LRRC4C: variants seen among roughly 807,000 people sequenced by gnomAD.
LRRC4C encodes the protein leucine-rich repeat-containing protein 4C.
Under a neutral mutation model 33.6 loss-of-function variants are expected in LRRC4C, and 5 were observed. The ratio of observed to expected loss-of-function variants is 0.15; its 90% CI spans 0.08 to 0.31. The LOEUF is 0.31. LRRC4C is among the 10% of genes least tolerant of loss of function. The pLI is 1.00. For synonymous variants in LRRC4C, 329 were observed against 302.0 expected (o/e 1.09, Z -0.93); for missense variants, 560 against 796.7 (o/e 0.70, Z 3.58).
intron 1 of LRRC4C, among the ~76,000 whole-genome samples, chr11:40,948,524 C>G (rs1397551992): frequency 1.6e-5 from 2 of 122,460 alleles, no homozygotes; most frequent in Non-Finnish European, 3.4e-5. Flanking sequence ...CCCCTCCCCC[C>G]ACCCCACAAC....
chr11:40,841,404 G>A lies in LRRC4C; in HGVS notation c.-407+92231C>T, dbSNP rs559992863. On this transcript the variant is annotated intron_variant, in intron 2 of 6. Transcript: ENST00000528697. ...ATATGTTGAAGCCCTAACTCCCATT[G>A]CTGTTGCATTTGGAGATGAGGCCTC... 8.5e-5 allele frequency among the ~76,000 whole-genome samples: 13 copies of A among 152,240 alleles called. No individual in the cohort carries two copies. In the South Asian group the frequency reaches 2.7e-3, roughly 32 times the overall value.
At chr11:40,930,307 A>C (rs1019305490) in intron 2 of LRRC4C, among the ~76,000 whole-genome samples, 5 of 152,182 alleles carry the variant, frequency 3.3e-5, no homozygotes, top group Non-Finnish European at 7.3e-5. Context: ...TTTCTTTCTT[A>C]TTATCCGCTG....
intron 3 of LRRC4C, among the ~76,000 whole-genome samples, chr11:40,389,477 A>AAAC (rs67307606): frequency 0.74 from 112,110 of 151,208 alleles, 42,984 homozygotes; most frequent in East Asian, 0.96. Context: ...CTCAAAAAAA[A>AAAC]AAATAATCAA....
chr11:41,388,856 A>T (rs1414271213), intron 1 of LRRC4C, among the ~76,000 whole-genome samples: 1 of 151,762 alleles, frequency 6.6e-6, no homozygotes, highest in Non-Finnish European at 1.5e-5. Flanking sequence ...TAGTTCCTCA[A>T]CCTGTCTTTG....
chr11:40,593,176 C>T (rs1168202109), intron 3 of LRRC4C, among the ~76,000 whole-genome samples: 1 of 151,934 alleles, frequency 6.6e-6, no homozygotes, highest in African/African-American at 2.4e-5. Context: ...ATACATCAAA[C>T]AAAGGAAGAG....
intron 5 of LRRC4C, among the ~76,000 whole-genome samples, chr11:40,197,511 C>T (rs186789273): frequency 2.5e-4 from 38 of 152,312 alleles, no homozygotes; most frequent in African/African-American, 6.5e-4. Flanking sequence ...GCTCAGCTTA[C>T]GCTTAGGACT....
In LRRC4C at chr11:41,377,941, G is replaced by T. The variant is rs138747842; in HGVS notation, c.-496+81490C>A. Among the ~76,000 whole-genome samples the T allele has an allele frequency of 1.4e-4, 22 of 152,268 alleles. No individual in the cohort carries two copies. In the East Asian group the frequency reaches 3.7e-3, roughly 25 times the overall value. On this transcript the variant is annotated intron_variant, in intron 1 of 6. Coordinates refer to ENST00000528697, the MANE Select transcript of LRRC4C (RefSeq NM_001258419.2). ...GGCAATCGCCCTCTTGAACTGTGTA[G>T]TAATCACTTTCCCTTATATTTAATC... is the stretch of plus-strand genomic sequence containing the variant.
chr11:40,277,915 C>T (rs1382735355), intron 4 of LRRC4C, among the ~76,000 whole-genome samples: 3 of 152,058 alleles, frequency 2.0e-5, no homozygotes, highest in South Asian at 4.1e-4. Flanking sequence ...TAAAATAACT[C>T]ACTACTATTG....
chr11:40,174,488 T>C (rs1860306736), intron 5 of LRRC4C, among the ~76,000 whole-genome samples: 1 of 152,212 alleles, frequency 6.6e-6, no homozygotes, highest in Non-Finnish European at 1.5e-5. Context: ...TAGAAGGCTA[T>C]GAACATCTAC....
At chr11:41,335,361 C>T (rs1411204119) in intron 1 of LRRC4C, among the ~76,000 whole-genome samples, 1 of 152,084 alleles carries the variant, frequency 6.6e-6, no homozygotes, top group African/African-American at 2.4e-5. Context: ...ACTTTCATTC[C>T]TTCCTACCAA....
chr11:41,274,647 T>C (rs1949423802), intron 1 of LRRC4C, among the ~76,000 whole-genome samples: 1 of 152,028 alleles, frequency 6.6e-6, no homozygotes, highest in South Asian at 2.1e-4. Flanking sequence ...TGGGGACAAA[T>C]ACGGGAATAA....
chr11:40,346,906 A>G (rs932417220), intron 3 of LRRC4C, among the ~76,000 whole-genome samples: 1 of 152,206 alleles, frequency 6.6e-6, no homozygotes, highest in African/African-American at 2.4e-5. Context: ...TTGTCATTCC[A>G]TTAATGAAGC....
intron 4 of LRRC4C, among the ~76,000 whole-genome samples, chr11:40,256,411 G>C (rs184657228): frequency 1.4e-4 from 21 of 152,220 alleles, no homozygotes; most frequent in Admixed American, 1.0e-3. Context: ...AAAAATCTTG[G>C]TAGAGTGCAT....
At chr11:40,537,356 C>T (rs554750095) in intron 3 of LRRC4C, among the ~76,000 whole-genome samples, 5 of 152,230 alleles carry the variant, frequency 3.3e-5, no homozygotes, top group South Asian at 2.1e-4. Flanking sequence ...CGTAAAGAAA[C>T]GGGGAGAGGC....
chr11:40,219,749 T>G (rs1590743232), intron 5 of LRRC4C, among the ~76,000 whole-genome samples: 1 of 148,386 alleles, frequency 6.7e-6, no homozygotes, highest in East Asian at 2.0e-4. Context: ...ATTGGGGGGG[T>G]GGATATAGAT....
intron 1 of LRRC4C, among the ~76,000 whole-genome samples, chr11:40,947,198 C>G (rs1958442939): frequency 6.6e-6 from 1 of 152,014 alleles, no homozygotes; most frequent in South Asian, 2.1e-4. Flanking sequence ...TTATGTTGAA[C>G]AGTTTTGGCT....
At chr11:41,453,265 A>C (rs1956081689) in intron 1 of LRRC4C, among the ~76,000 whole-genome samples, 1 of 152,162 alleles carries the variant, frequency 6.6e-6, no homozygotes, top group East Asian at 1.9e-4. Flanking sequence ...GATTTAAGTA[A>C]CTGTCAAAGT....
chr11:41,093,033 G>T (rs1940541436), intron 1 of LRRC4C, among the ~76,000 whole-genome samples: 4 of 152,164 alleles, frequency 2.6e-5, no homozygotes, highest in Admixed American at 2.6e-4. Flanking sequence ...ATTAACAGTA[G>T]TAACGGTATT....
intron 1 of LRRC4C, among the ~76,000 whole-genome samples, chr11:41,348,870 G>T (rs1397226702): frequency 6.6e-6 from 1 of 152,188 alleles, no homozygotes; most frequent in Non-Finnish European, 1.5e-5. Context: ...ATCTGAGCTA[G>T]CAGGGAGAAC....
Sources: gnomAD v4.1 joint callset for allele counts (sites outside exome capture counted in the v4.1 genomes callset) on GRCh38, gnomAD v4.1.1 for gene constraint, MANE v1.5 for transcripts, NCBI Gene and HGNC (gene_info 2026-07-23, HGNC 2026-07-21) for gene names.